Variants in CNTN3 observed in about 807,000 individuals in gnomAD.
The protein encoded by CNTN3 is contactin 3.
Under a neutral mutation model 119.1 loss-of-function variants are expected in CNTN3, and 60 were observed. The observed-to-expected ratio is 0.50, with a 90% CI of 0.41 to 0.62. The LOEUF is 0.62. Ranked by LOEUF, CNTN3 falls within the 20% of genes least tolerant of loss-of-function variation. The pLI is 0.00. For synonymous variants in CNTN3, 450 were observed against 438.7 expected, an observed-to-expected ratio of 1.03 and a Z score of -0.32; for missense variants, 1,101 against 1,242.4, an observed-to-expected ratio of 0.89 and a Z score of 1.71.
Position 74,595,894 on chromosome 3 carries a change from C to G in CNTN3, c.-81+18497G>C, listed in dbSNP as rs1704799099. ...GTATTCAATTAGGAAAAGAGGAAGT[C>G]AAATTGTCCCTGTTTGCAGACGACA... is the stretch of plus-strand genomic sequence containing the variant. On this transcript the variant is annotated intron_variant, in intron 1 of 22. Coordinates refer to ENST00000263665, the MANE Select transcript of CNTN3 (RefSeq NM_020872.3). 2.6e-5 allele frequency among the ~76,000 whole-genome samples: 4 copies of G among 152,254 alleles called. No individual in the cohort carries two copies. In the South Asian group the frequency reaches 8.3e-4, roughly 32 times the overall value.
chr3:74,371,488 T>A, intron 5 of CNTN3, 89 bp from the exon 6 acceptor site: 1 of 945,766 alleles, frequency 1.1e-6, no homozygotes, highest in South Asian at 1.5e-5. Flanking sequence ...AACATCAACT[T>A]TACTTCCAAG....
intron 1 of CNTN3, among the ~76,000 whole-genome samples, chr3:74,610,191 G>A (rs1187265958): frequency 2.0e-5 from 3 of 152,066 alleles, no homozygotes; most frequent in African/African-American, 7.2e-5. Context: ...GGGCATGGCG[G>A]TGTGTGTCTA....
At chr3:74,473,846 T>G (rs948793301) in intron 4 of CNTN3, among the ~76,000 whole-genome samples, 1 of 151,902 alleles carries the variant, frequency 6.6e-6, no homozygotes, top group Non-Finnish European at 1.5e-5. Context: ...TAAGGCAAGA[T>G]AAGTGTGAGA....
At chr3:74,336,697 GC>G in intron 11 of CNTN3, 39 bp from the exon 12 acceptor site, 1 of 1,490,616 alleles carries the variant, frequency 6.7e-7, no homozygotes, top group East Asian at 2.5e-5. Context: ...ATATATAATA[GC>G]CATTTTTTTT....
At chr3:74,552,797 A>ACTAT (rs1553681045) in intron 1 of CNTN3, among the ~76,000 whole-genome samples, 1 of 147,586 alleles carries the variant, frequency 6.8e-6, no homozygotes, top group Non-Finnish European at 1.5e-5. Context: ...TGGTTTTATA[A>ACTAT]CTGACAGTTC....
chr3:74,599,184 T>C (rs1704864886), intron 1 of CNTN3, among the ~76,000 whole-genome samples: 1 of 152,044 alleles, frequency 6.6e-6, no homozygotes, highest in Admixed American at 6.6e-5. Flanking sequence ...TTTATCTAAT[T>C]TGTTCAGTAA....
At chr3:74,572,445 A>G (rs1166579762) in intron 1 of CNTN3, among the ~76,000 whole-genome samples, 3 of 152,216 alleles carry the variant, frequency 2.0e-5, no homozygotes, top group Non-Finnish European at 4.4e-5. Context: ...GACTCCACCA[A>G]GAAATACTAT....
At chr3:74,336,471 C>T (rs1703398932) in intron 12 of CNTN3, 60 bp downstream of exon 12, 8 of 1,556,778 alleles carry the variant, frequency 5.1e-6, no homozygotes, top group African/African-American at 1.4e-5. Flanking sequence ...TTACTTTCCT[C>T]ATAATAATAC....
At chr3:74,363,979 A>C (rs1021093592) in intron 10 of CNTN3, among the ~76,000 whole-genome samples, 10 of 152,120 alleles carry the variant, frequency 6.6e-5, no homozygotes, top group Non-Finnish European at 1.5e-5. Flanking sequence ...CTAAAGTACA[A>C]GAAGAAGATC....
At chr3:74,276,174 C>T (rs1259667498) in intron 20 of CNTN3, among the ~76,000 whole-genome samples, 1 of 151,984 alleles carries the variant, frequency 6.6e-6, no homozygotes, top group Admixed American at 6.6e-5. Flanking sequence ...AGAAATGAGA[C>T]AGCCACACAA....
chr3:74,267,619 G>T, intron 20 of CNTN3: 1 of 411,102 alleles, frequency 2.4e-6, no homozygotes, highest in Non-Finnish European at 4.4e-6. Flanking sequence ...TAACAAACCT[G>T]CACATGTACC....
At chr3:74,316,760 C>CA (rs1369054724) in intron 13 of CNTN3, among the ~76,000 whole-genome samples, 134 of 151,906 alleles carry the variant, frequency 8.8e-4, no homozygotes, top group African/African-American at 2.9e-3. Flanking sequence ...CCTGTCTCTA[C>CA]AAAAAATACA....
chr3:74,525,723 A>C (rs947760919), intron 1 of CNTN3, among the ~76,000 whole-genome samples: 10 of 151,852 alleles, frequency 6.6e-5, no homozygotes, highest in Non-Finnish European at 4.4e-5. Context: ...ATAGCCCCCA[A>C]ATTTAATGCA....
chr3:74,526,478 A>G (rs1280119584), intron 1 of CNTN3, among the ~76,000 whole-genome samples: 1 of 151,698 alleles, frequency 6.6e-6, no homozygotes, highest in African/African-American at 2.4e-5. Flanking sequence ...TCACTCATTC[A>G]CTCATCCATA....
At chr3:74,364,759 A>G (rs1704151680) in intron 9 of CNTN3, among the ~76,000 whole-genome samples, 163 bp from the exon 10 acceptor site, 2 of 152,304 alleles carry the variant, frequency 1.3e-5, no homozygotes, top group South Asian at 4.1e-4. Flanking sequence ...AATGTGAAAG[A>G]CTAATTTACA....
chr3:74,582,976 T>C (rs1160015775), intron 1 of CNTN3, among the ~76,000 whole-genome samples: 1 of 152,188 alleles, frequency 6.6e-6, no homozygotes, highest in Non-Finnish European at 1.5e-5. Flanking sequence ...AATGACAATA[T>C]GGAGAGGCTG....
At chr3:74,592,193 T>C (rs1475795698) in intron 1 of CNTN3, among the ~76,000 whole-genome samples, 15 of 151,772 alleles carry the variant, frequency 9.9e-5, no homozygotes, top group Admixed American at 9.9e-4. Context: ...AGAAACTGCT[T>C]GTGATCCTCA....
chr3:74,587,261 T>C (rs541376975), intron 1 of CNTN3, among the ~76,000 whole-genome samples: 4 of 152,028 alleles, frequency 2.6e-5, no homozygotes, highest in African/African-American at 4.8e-5. Flanking sequence ...TTTACAAATG[T>C]CATTGTTTTC....
intron 13 of CNTN3, among the ~76,000 whole-genome samples, chr3:74,321,832 G>A (rs1163897796): frequency 6.6e-6 from 1 of 152,084 alleles, no homozygotes; most frequent in African/African-American, 2.4e-5. Flanking sequence ...TCTGCCAAAA[G>A]TTATACAAAA....
Sources: gnomAD v4.1 joint callset for allele counts (sites outside exome capture counted in the v4.1 genomes callset) on GRCh38, gnomAD v4.1.1 for gene constraint, MANE v1.5 for transcripts, NCBI Gene and HGNC (gene_info 2026-07-23, HGNC 2026-07-21) for gene names.